The following TNKS2 variants were observed in gnomAD, a reference collection of about 807,000 sequenced individuals.
TNKS2 encodes poly [ADP-ribose] polymerase tankyrase-2.
A neutral mutation model predicts 137.6 loss-of-function variants in TNKS2; 72 were observed. The observed-to-expected ratio is 0.52, with a 90% confidence interval of 0.43 to 0.64. TNKS2 has a LOEUF of 0.64. Ranked by LOEUF, TNKS2 falls within the 30% of genes least tolerant of loss-of-function variation. TNKS2 has a pLI of 0.00. For synonymous variants in TNKS2, 516 were observed against 512.1 expected (o/e 1.01, Z -0.10); for missense variants, 1,049 against 1,410.2 (o/e 0.74, Z 4.10).
At position 91,817,125 on chromosome 10, in the gene TNKS2, A is replaced by G. The variant is rs1315546548; in HGVS notation, c.425-9A>G. The G allele has an allele frequency of 1.4e-5, 23 of 1,600,706 alleles. No individual in the cohort carries two copies. Among genetic ancestry groups the G allele is most frequent in the African/African-American group, 2.7e-5 (2 of 74,586 alleles). ...CATTGAACTTCAAAATAGTGTTGCT[A>G]TTTTGCAGTGCTGTTACAGCATGGA... On this transcript the variant is annotated splice_polypyrimidine_tract_variant and intron_variant, in intron 2 of 26. Coordinates refer to ENST00000371627, the MANE Select transcript of TNKS2 (RefSeq NM_025235.4).
intron 13 of TNKS2, among the ~76,000 whole-genome samples, chr10:91,839,822 G>A (rs1162210422): frequency 6.6e-6 from 1 of 152,168 alleles, no homozygotes; most frequent in East Asian, 1.9e-4. Context: ...TAGGGATCTT[G>A]TTAAAGGGCA....
chr10:91,826,764 G>A (rs1039858264), intron 7 of TNKS2, among the ~76,000 whole-genome samples: 2 of 152,166 alleles, frequency 1.3e-5, no homozygotes, highest in African/African-American at 4.8e-5. Flanking sequence ...AGAGATGCAG[G>A]TTAAATCTAA....
chr10:91,857,959 C>G (rs183881317), intron 24 of TNKS2, among the ~76,000 whole-genome samples: 1 of 152,270 alleles, frequency 6.6e-6, no homozygotes, highest in Non-Finnish European at 1.5e-5. Context: ...GTTATTGAAC[C>G]TGTAGAGGTT....
chr10:91,825,146 G>C (rs2133622823), intron 7 of TNKS2, among the ~76,000 whole-genome samples: 1 of 152,098 alleles, frequency 6.6e-6, no homozygotes, highest in East Asian at 1.9e-4. Flanking sequence ...CTGCCACCCA[G>C]GTTGGAGTGC....
At chr10:91,837,511 A>G (rs182923041) in intron 13 of TNKS2, among the ~76,000 whole-genome samples, 20 of 152,282 alleles carry the variant, frequency 1.3e-4, no homozygotes, top group African/African-American at 4.8e-4. Context: ...TTCTCCGACA[A>G]GAGTCTTCCC....
chr10:91,813,470 A>G (rs1353005729), intron 2 of TNKS2, among the ~76,000 whole-genome samples: 1 of 152,214 alleles, frequency 6.6e-6, no homozygotes. Context: ...AGATAAAGGC[A>G]TGGTGGAAGG....
At position 91,863,498 on chromosome 10, in the gene TNKS2, G is replaced by A. The variant is rs1283939655; in HGVS notation, c.*499G>A. 1 of 152,568 alleles carries A rather than the reference G, an allele frequency of 6.6e-6. No individual in the cohort carries two copies. Among genetic ancestry groups the A allele is most frequent in the Non-Finnish European group, 1.5e-5 (1 of 68,022 alleles). The allele number at this position is 152,568 out of a possible 1,614,324, so 9.5% of individuals were successfully genotyped here. A position where few individuals can be genotyped will look rare whatever the true frequency, so the allele number is the denominator to read the frequency against. Reference sequence around the variant, plus strand: ...AGCGGTTTACAAAATTTTTTCATATGTATTGTTCATCTATACTTCATCTTA... The same window carrying A: ...AGCGGTTTACAAAATTTTTTCATATATATTGTTCATCTATACTTCATCTTA... On this transcript the variant is annotated 3_prime_UTR_variant, in exon 27 of 27. Transcript: ENST00000371627.
At chr10:91,829,070 T>C (rs756456339) in intron 9 of TNKS2, among the ~76,000 whole-genome samples, 55 of 152,138 alleles carry the variant, frequency 3.6e-4, no homozygotes, top group Non-Finnish European at 7.1e-4. Flanking sequence ...AAGTAAATCC[T>C]GTTGCGTGAG....
At chr10:91,826,761 C>G (rs1708358121) in intron 7 of TNKS2, among the ~76,000 whole-genome samples, 1 of 152,146 alleles carries the variant, frequency 6.6e-6, no homozygotes, top group African/African-American at 2.4e-5. Context: ...GGAAGAGATG[C>G]AGGTTAAATC....
intron 6 of TNKS2, among the ~76,000 whole-genome samples, chr10:91,820,882 A>G (rs1222116670): frequency 1.3e-5 from 2 of 152,210 alleles, no homozygotes; most frequent in African/African-American, 4.8e-5. Context: ...AATGGATACA[A>G]TGAGCGAGGA....
chr10:91,834,098 G>A lies in TNKS2; in HGVS notation c.1447+74G>A, dbSNP rs952070079. 7 of 1,231,066 alleles carry A rather than the reference G, an allele frequency of 5.7e-6. No homozygotes were observed. The African/African-American group carries it at 1.1e-4, about 19-fold the overall frequency. 76.3% of individuals were successfully genotyped at this position (1,231,066 alleles called of 1,614,324 possible). ...ATTTTTCACATATCAGGTATTATAG[G>A]TAGGAGTTGGTAATAAGAAAAATTG... is the stretch of plus-strand genomic sequence containing the variant. On this transcript the variant is annotated intron_variant, in intron 12 of 26. Transcript: ENST00000371627.
At chr10:91,861,421 A>G (rs559550620) in intron 25 of TNKS2, among the ~76,000 whole-genome samples, 1 of 152,330 alleles carries the variant, frequency 6.6e-6, no homozygotes, top group Admixed American at 6.5e-5. Flanking sequence ...TTTTAAGCAG[A>G]AAAGTGACTT....
intron 19 of TNKS2, 60 bp from the exon 20 acceptor site, chr10:91,849,452 T>C: frequency 7.6e-7 from 1 of 1,314,686 alleles, no homozygotes; most frequent in Non-Finnish European, 1.1e-6. Flanking sequence ...ACTGTTATAG[T>C]GATGAAATAC....
intron 23 of TNKS2, 131 bp from the exon 24 acceptor site, chr10:91,857,294 A>G (rs1264463451): frequency 4.2e-6 from 2 of 480,068 alleles, no homozygotes; most frequent in African/African-American, 3.9e-5. Flanking sequence ...GTTGATTAAA[A>G]TAACACATTT....
In TNKS2 at chr10:91,831,152, G is replaced by C. The variant is rs78066006; in HGVS notation, c.1246G>C (p.Val416Leu). Residue 416 changes from valine to leucine, a missense_variant, in exon 11 of 27, where the codon GTT (valine) becomes CTT (leucine). Physicochemically the swap from Val to Leu is conservative, Grantham distance 32. Transcript: ENST00000371627. Reference sequence around the variant, plus strand: ...ATCTGAGAAAGCTCATAATGATGTTGTTGAAGTAGTGGTGAAACATGAAGC... The same window carrying C: ...ATCTGAGAAAGCTCATAATGATGTTCTTGAAGTAGTGGTGAAACATGAAGC... ...VASEKAHNDV[V>L]EVVVKHEAKV... 1.4e-5 allele frequency: 23 copies of C among 1,613,850 alleles called. No individual in the cohort carries two copies. The highest frequency in any genetic ancestry group is 1.9e-5 in the Non-Finnish European group (23 of 1,179,940).
Position 91,859,496 on chromosome 10 carries a change from C to G in TNKS2, c.3129C>G (p.Gly1043=). The part of the protein sequence containing the change: ...SPFVNAIIHK[G]FDERHAYIGG... ...TTGTGAATGCAATTATCCACAAAGG[C>G]TTTGATGAAAGGCATGCGTACATAG... Residue 1043 remains glycine, a synonymous_variant, in exon 25 of 27, where the codon GGC becomes GGG. Coordinates refer to ENST00000371627, the MANE Select transcript of TNKS2 (RefSeq NM_025235.4). 1 of 1,611,212 alleles carries G rather than the reference C, an allele frequency of 6.2e-7. No homozygotes were observed. Among genetic ancestry groups the G allele is most frequent in the Admixed American group, 1.7e-5 (1 of 59,608 alleles).
At chr10:91,828,095 G>A (rs1474318509) in intron 8 of TNKS2, among the ~76,000 whole-genome samples, 190 bp from the exon 9 acceptor site, 4 of 152,130 alleles carry the variant, frequency 2.6e-5, no homozygotes, top group African/African-American at 7.2e-5. Context: ...CAGTTGCACC[G>A]TAACTTAGGG....
chr10:91,837,761 G>A (rs547342179), intron 13 of TNKS2, among the ~76,000 whole-genome samples: 3 of 152,322 alleles, frequency 2.0e-5, no homozygotes, highest in South Asian at 2.1e-4. Flanking sequence ...TTGGGAGGCT[G>A]AGACAGTATA....
At position 91,807,214 on chromosome 10, in the gene TNKS2, T is replaced by C. The variant is rs1337503483; in HGVS notation, c.200-5769T>C. ...TCCATGGTAACATTGCGGGCTTCCT[T>C]GGCTACCATAAGTCGCATTAGTTGA... On this transcript the variant is annotated intron_variant, in intron 1 of 26. Transcript: ENST00000371627. 3 of 1,608,418 alleles carry C rather than the reference T, an allele frequency of 1.9e-6. No homozygotes were observed. The East Asian group carries it at 6.7e-5, about 36-fold the overall frequency.
Sources: gnomAD v4.1 joint callset for allele counts (sites outside exome capture counted in the v4.1 genomes callset) on GRCh38, gnomAD v4.1.1 for gene constraint, MANE v1.5 for transcripts, NCBI Gene and HGNC (gene_info 2026-07-23, HGNC 2026-07-21) for gene names.